NUP54: variants seen among roughly 807,000 people sequenced by gnomAD.
NUP54 encodes the protein nucleoporin p54.
In NUP54, 27 loss-of-function variants were observed where a neutral mutation model predicts 66.4. The ratio of observed to expected loss-of-function variants is 0.41; its 90% CI spans 0.30 to 0.56. The LOEUF (loss-of-function observed/expected upper bound fraction) is 0.56. Among genes scored for constraint, NUP54 ranks in the 20% least tolerant of loss-of-function variants. NUP54 has a pLI of 0.34. For synonymous variants in NUP54, 206 were observed against 210.7 expected, an observed-to-expected ratio of 0.98 and a Z score of 0.19; for missense variants, 486 against 596.3, an observed-to-expected ratio of 0.82 and a Z score of 1.93.
Position 76,117,712 on chromosome 4 carries a change from A to G in NUP54, c.1347T>C (p.Ser449=), listed in dbSNP as rs1383387059. ...RMQNHFGAVR[S]EERYYIDADL... Reference sequence around the variant, plus strand: ...CTGCATCTATGTAATACCTTTCTTCAGATCTGACTGCTCCAAAATGATTCT... The same window carrying G: ...CTGCATCTATGTAATACCTTTCTTCGGATCTGACTGCTCCAAAATGATTCT... The change falls in exon 11 of 12, where the codon TCT becomes TCC. Residue 449 remains serine, a synonymous_variant. Transcript: ENST00000264883. 1 of 1,613,986 alleles carries G rather than the reference A, an allele frequency of 6.2e-7. No homozygotes were observed.
At chr4:76,143,797 G>C (rs1305355810) in intron 3 of NUP54, among the ~76,000 whole-genome samples, 1 of 152,110 alleles carries the variant, frequency 6.6e-6, no homozygotes, top group Non-Finnish European at 1.5e-5. Context: ...TTCTGAACTG[G>C]CTGGCCAGGA....
chr4:76,125,350 A>AGTG (rs1560678450), intron 8 of NUP54, among the ~76,000 whole-genome samples: 1 of 145,394 alleles, frequency 6.9e-6, no homozygotes, highest in East Asian at 2.1e-4. Flanking sequence ...ACACACACAC[A>AGTG]CGGCTGGGCA....
intron 1 of NUP54, chr4:76,145,672 C>T: frequency 1.4e-6 from 1 of 708,512 alleles, no homozygotes; most frequent in Non-Finnish European, 2.0e-6. Context: ...CAGCTGATTA[C>T]CAATGTGGTA....
chr4:76,142,617 T>G (rs1265364337), intron 3 of NUP54, among the ~76,000 whole-genome samples: 1 of 152,186 alleles, frequency 6.6e-6, no homozygotes, highest in Non-Finnish European at 1.5e-5. Flanking sequence ...CACAGGGTTC[T>G]TGTGAGAATA....
At chr4:76,138,768 A>C (rs1354628059) in intron 3 of NUP54, among the ~76,000 whole-genome samples, 1 of 152,170 alleles carries the variant, frequency 6.6e-6, no homozygotes, top group Non-Finnish European at 1.5e-5. Context: ...CAGTATGTGT[A>C]ACATCTCTGT....
intron 8 of NUP54, among the ~76,000 whole-genome samples, chr4:76,129,878 A>C (rs1730710964): frequency 6.9e-6 from 1 of 145,066 alleles, no homozygotes; most frequent in Non-Finnish European, 1.5e-5. Context: ...AAAAAAAAAA[A>C]AAAAAAAAAA....
At chr4:76,119,162 AT>A (rs929508662) in intron 9 of NUP54, among the ~76,000 whole-genome samples, 2 of 151,996 alleles carry the variant, frequency 1.3e-5, no homozygotes, top group African/African-American at 2.4e-5. Flanking sequence ...TATTTCTTGG[AT>A]TTTTTTTGAG....
intron 8 of NUP54, among the ~76,000 whole-genome samples, chr4:76,128,589 TACAA>T (rs1477485041): frequency 2.0e-5 from 3 of 152,142 alleles, no homozygotes; most frequent in Admixed American, 6.5e-5. Flanking sequence ...AGGTATGCCA[TACAA>T]ACACTTTTTA....
intron 1 of NUP54, chr4:76,148,008 G>A (rs144361671): frequency 2.7e-4 from 103 of 383,258 alleles, no homozygotes; most frequent in African/African-American, 1.7e-3. Flanking sequence ...AGGGGAGAGG[G>A]AAGCAACCTC....
chr4:76,145,619 AT>A (rs1412429253), intron 1 of NUP54: 3 of 1,233,302 alleles, frequency 2.4e-6, no homozygotes, highest in Non-Finnish European at 3.1e-6. Flanking sequence ...ATGCTAGCCA[AT>A]CTAAAATTGT....
At chr4:76,146,578 G>A (rs1330526653) in intron 1 of NUP54, among the ~76,000 whole-genome samples, 1 of 148,476 alleles carries the variant, frequency 6.7e-6, no homozygotes, top group Non-Finnish European at 1.5e-5. Flanking sequence ...TTAACTTTTA[G>A]GGAGTAAATA....
Position 76,127,316 on chromosome 4 carries a change from T to C in NUP54, c.1057-2560A>G, listed in dbSNP as rs183103765. Among the ~76,000 whole-genome samples the C allele has an allele frequency of 1.8e-3, 274 of 150,770 alleles. 1 individual carries two copies. The highest frequency in any genetic ancestry group is 4.6e-3 in the Admixed American group (69 of 15,034). ...GCGTGGTGGTGGGCGCCTGTAGTCC[T>C]AGCTACTTGGGAGGCTGAGGCAGAA... On this transcript the variant is annotated intron_variant, in intron 8 of 11. Transcript: ENST00000264883.
intron 9 of NUP54, among the ~76,000 whole-genome samples, chr4:76,118,864 C>T (rs1393504418): frequency 6.6e-6 from 1 of 151,790 alleles, no homozygotes; most frequent in Non-Finnish European, 1.5e-5. Context: ...ATTAGCCGGA[C>T]GTTGATGGTG....
intron 3 of NUP54, 59 bp downstream of exon 3, chr4:76,144,090 A>C (rs750683698): frequency 1.3e-6 from 2 of 1,558,402 alleles, no homozygotes. Flanking sequence ...GAATGCACTC[A>C]ATAATGTCAG....
At chr4:76,148,186 G>A in intron 1 of NUP54, 122 bp downstream of exon 1, 1 of 788,486 alleles carries the variant, frequency 1.3e-6, no homozygotes, top group Non-Finnish European at 1.8e-6. Context: ...CTTTTCCAAT[G>A]CCTCTAAAGT....
intron 9 of NUP54, among the ~76,000 whole-genome samples, chr4:76,122,826 T>C (rs28857291): frequency 0.19 from 28,281 of 152,164 alleles, 2,708 homozygotes; most frequent in East Asian, 0.36. Flanking sequence ...TTGAGTAAAA[T>C]GTGGTATAGC....
intron 3 of NUP54, among the ~76,000 whole-genome samples, chr4:76,138,163 G>A (rs1342880220): frequency 6.6e-6 from 1 of 151,954 alleles, no homozygotes; most frequent in Non-Finnish European, 1.5e-5. Context: ...ATAAACATTG[G>A]CAAGAACTGG....
chr4:76,134,563 TTAACCTATAGAG>T (rs1730950745), intron 4 of NUP54, among the ~76,000 whole-genome samples: 1 of 151,930 alleles, frequency 6.6e-6, no homozygotes, highest in African/African-American at 2.4e-5. Context: ...AGGAATAACA[TTAACCTATAGAG>T]TAAGATTAAC....
At chr4:76,147,602 C>G (rs1343766015) in intron 1 of NUP54, 1 of 1,289,736 alleles carries the variant, frequency 7.8e-7, no homozygotes, top group Admixed American at 2.3e-5. Flanking sequence ...AAATTAAACC[C>G]ACTGGCGGTG....
Sources: gnomAD v4.1 joint callset for allele counts (sites outside exome capture counted in the v4.1 genomes callset) on GRCh38, gnomAD v4.1.1 for gene constraint, MANE v1.5 for transcripts, NCBI Gene and HGNC (gene_info 2026-07-23, HGNC 2026-07-21) for gene names.